Variants in TXNRD1 observed in about 807,000 individuals in gnomAD.
TXNRD1 encodes the protein thioredoxin reductase 1.
A neutral mutation model predicts 80.3 loss-of-function variants in TXNRD1; 57 were observed. The observed-to-expected ratio is 0.71, with a 90% CI of 0.57 to 0.89. The LOEUF (loss-of-function observed/expected upper bound fraction) is 0.89. TXNRD1 is among the 40% of genes least tolerant of loss of function. TXNRD1 has a pLI of 0.00. For synonymous variants in TXNRD1, 291 were observed against 285.2 expected, an observed-to-expected ratio of 1.02 and a Z score of -0.20; for missense variants, 730 against 803.0, an observed-to-expected ratio of 0.91 and a Z score of 1.10.
chr12:104,348,457 C>CA lies in TXNRD1; in HGVS notation c.*37dup. 1 of 1,607,240 alleles carries CA rather than the reference C, an allele frequency of 6.2e-7. No individual in the cohort carries two copies. Among genetic ancestry groups the CA allele is most frequent in the Non-Finnish European group, 8.5e-7 (1 of 1,174,298 alleles). On this transcript the variant is annotated 3_prime_UTR_variant, in exon 17 of 17. Coordinates refer to ENST00000525566, the MANE Select transcript of TXNRD1 (RefSeq NM_001093771.3). ...GGATGCTGTTGCCAAGACTGCAAAC[C>CA]ACTGGCTCGTTTCCGTGCCCAAATC...
At chr12:104,310,350 C>T (rs1475555274) in intron 4 of TXNRD1, among the ~76,000 whole-genome samples, 3 of 152,190 alleles carry the variant, frequency 2.0e-5, no homozygotes, top group East Asian at 1.9e-4. Context: ...GGGTTCACCC[C>T]GTTGGCCAGG....
intron 1 of TXNRD1, among the ~76,000 whole-genome samples, chr12:104,231,734 G>A (rs966387324): frequency 3.9e-5 from 6 of 152,138 alleles, no homozygotes; most frequent in East Asian, 3.9e-4. Context: ...TGGGTTATGG[G>A]CACCCTACTC....
At chr12:104,289,910 C>G (rs189345650) in intron 4 of TXNRD1, among the ~76,000 whole-genome samples, 1 of 152,226 alleles carries the variant, frequency 6.6e-6, no homozygotes, top group African/African-American at 2.4e-5. Context: ...ACCATGCTGG[C>G]CAGGCTGGTC....
chr12:104,333,597 A>G (rs918723324), intron 14 of TXNRD1, among the ~76,000 whole-genome samples: 1 of 152,170 alleles, frequency 6.6e-6, no homozygotes, highest in South Asian at 2.1e-4. Context: ...GTTTGCTCGT[A>G]AAAGGTAGCG....
chr12:104,224,642 C>T (rs1484595975), intron 1 of TXNRD1, among the ~76,000 whole-genome samples: 1 of 152,126 alleles, frequency 6.6e-6, no homozygotes, highest in East Asian at 1.9e-4. Context: ...CCTTGGACTC[C>T]CAAAGTGCTG....
chr12:104,304,184 A>C, intron 4 of TXNRD1: 1 of 1,614,096 alleles, frequency 6.2e-7, no homozygotes, highest in Non-Finnish European at 8.5e-7. Flanking sequence ...GAGCCGAACC[A>C]GAGAAGCAGC....
At chr12:104,252,367 C>G (rs2033137758) in intron 2 of TXNRD1, among the ~76,000 whole-genome samples, 1 of 151,818 alleles carries the variant, frequency 6.6e-6, no homozygotes. Flanking sequence ...AAAATAACTT[C>G]ACAAAGAATA....
intron 3 of TXNRD1, among the ~76,000 whole-genome samples, chr12:104,278,061 T>C (rs964941781): frequency 8.6e-5 from 13 of 150,890 alleles, no homozygotes; most frequent in African/African-American, 2.9e-4. Context: ...GTATTTTTAG[T>C]AGAGAGGGGG....
chr12:104,309,482 G>T, intron 4 of TXNRD1, among the ~76,000 whole-genome samples: 1 of 152,194 alleles, frequency 6.6e-6, no homozygotes, highest in South Asian at 2.1e-4. Context: ...AGGTATGTTG[G>T]AGGAGGGGGA....
At chr12:104,325,506 A>G (rs2035726994) in intron 11 of TXNRD1, 77 bp downstream of exon 11, 3 of 1,040,220 alleles carry the variant, frequency 2.9e-6, no homozygotes, top group East Asian at 2.6e-5. Flanking sequence ...GGAACTTAAA[A>G]TGGCTCTTAG....
chr12:104,251,359 T>A (rs1481597166), intron 1 of TXNRD1, among the ~76,000 whole-genome samples, 168 bp from the exon 2 acceptor site: 1 of 152,244 alleles, frequency 6.6e-6, no homozygotes, highest in Admixed American at 6.5e-5. Context: ...TCCAGTCAGA[T>A]GAAAGAAGTA....
intron 10 of TXNRD1, among the ~76,000 whole-genome samples, chr12:104,324,096 T>C (rs942171527): frequency 5.3e-5 from 8 of 152,142 alleles, no homozygotes; most frequent in African/African-American, 1.9e-4. Context: ...AAAGGCCTGA[T>C]TGAAGTACAA....
chr12:104,243,196 A>G (rs1169204694), intron 1 of TXNRD1, among the ~76,000 whole-genome samples: 2 of 152,220 alleles, frequency 1.3e-5, no homozygotes, highest in Non-Finnish European at 2.9e-5. Flanking sequence ...AAATAATACT[A>G]ATAACTACAA....
chr12:104,289,174 G>T (rs533190525), intron 4 of TXNRD1, 134 bp downstream of exon 4: 9 of 1,037,930 alleles, frequency 8.7e-6, no homozygotes, highest in African/African-American at 8.0e-5. Context: ...GACGAAAAAC[G>T]CTCGTGGGCT....
At chr12:104,312,892 C>T (rs956865474) in intron 5 of TXNRD1, among the ~76,000 whole-genome samples, 5 of 152,178 alleles carry the variant, frequency 3.3e-5, no homozygotes, top group Non-Finnish European at 5.9e-5. Flanking sequence ...CCTGCTTTTT[C>T]AGCTACTTGG....
chr12:104,343,627 A>C (rs9739826), intron 16 of TXNRD1, among the ~76,000 whole-genome samples: 137,560 of 151,790 alleles, frequency 0.91, 62,589 homozygotes, highest in African/African-American at 0.98. Context: ...AGCAAAACCC[A>C]ATCTCTACCA....
At chr12:104,233,371 G>C (rs1332330007) in intron 1 of TXNRD1, among the ~76,000 whole-genome samples, 2 of 152,150 alleles carry the variant, frequency 1.3e-5, no homozygotes, top group Non-Finnish European at 2.9e-5. Flanking sequence ...TTCCAATTGT[G>C]TCCTGTTGAC....
At chr12:104,233,428 C>T (rs1470503367) in intron 1 of TXNRD1, among the ~76,000 whole-genome samples, 2 of 152,018 alleles carry the variant, frequency 1.3e-5, no homozygotes, top group Admixed American at 1.3e-4. Flanking sequence ...ATTATATTGC[C>T]ATAAGTTAAG....
chr12:104,307,801 G>A (rs1831606060), intron 4 of TXNRD1, among the ~76,000 whole-genome samples: 1 of 152,138 alleles, frequency 6.6e-6, no homozygotes. Context: ...AGTGGGTCTG[G>A]GGAAAGGGAT....
Sources: gnomAD v4.1 joint callset for allele counts (sites outside exome capture counted in the v4.1 genomes callset) on GRCh38, gnomAD v4.1.1 for gene constraint, MANE v1.5 for transcripts, NCBI Gene and HGNC (gene_info 2026-07-23, HGNC 2026-07-21) for gene names.